The following SIRT2 variants were observed in gnomAD, a reference collection of about 807,000 sequenced individuals.
SIRT2 encodes the protein sirtuin 2.
Under a neutral mutation model 57.4 loss-of-function variants are expected in SIRT2, and 40 were observed. The observed-to-expected ratio is 0.70, with a 90% CI of 0.54 to 0.91. The LOEUF (loss-of-function observed/expected upper bound fraction) is 0.91. SIRT2 is among the 40% of genes least tolerant of loss of function. The probability of loss-of-function intolerance (pLI) is 0.00; values close to 1 mark genes in which losing one functional copy is unlikely to be tolerated. For missense variants in SIRT2, 439 were observed against 510.4 expected (o/e 0.86, Z 1.35); for synonymous variants, 161 against 195.7 (o/e 0.82, Z 1.48).
chr19:38,890,617 G>T, intron 4 of SIRT2: 1 of 174,024 alleles, frequency 5.7e-6, no homozygotes, highest in Non-Finnish European at 1.2e-5. Context: ...TTGAACCCGG[G>T]AGGCGGAGGT....
At chr19:38,881,574 T>C in intron 9 of SIRT2, 83 bp from the exon 10 acceptor site, 2 of 1,094,296 alleles carry the variant, frequency 1.8e-6, no homozygotes, top group Non-Finnish European at 2.8e-6. Context: ...CCACCCCTCT[T>C]CCACTGTTAA....
chr19:38,879,645 T>G lies in SIRT2; in HGVS notation c.934A>C (p.Lys312Gln). 1 of 1,573,824 alleles carries G rather than the reference T, an allele frequency of 6.4e-7. No individual in the cohort carries two copies. Among genetic ancestry groups the G allele is most frequent in the Non-Finnish European group, 8.6e-7 (1 of 1,159,396 alleles). ...GCGGGGCCTCACCTGTAGGCCTTCT[T>G]GGAGTCAAAGTCCATGCCTCCTCCG... is the stretch of plus-strand genomic sequence containing the variant. ...GLGGGMDFDSKKAYRDVAWLG... is the reference protein window; with the variant it reads ...GLGGGMDFDSQKAYRDVAWLG... The change falls in exon 14 of 16, where the codon AAG (lysine) becomes CAG (glutamine). Residue 312 changes from lysine (K) to glutamine (Q), a missense_variant. Transcript: ENST00000249396.
intron 2 of SIRT2, among the ~76,000 whole-genome samples, chr19:38,895,501 G>A (rs1296762148): frequency 1.3e-5 from 2 of 152,292 alleles, no homozygotes; most frequent in East Asian, 3.9e-4. Flanking sequence ...CCCTGCAATG[G>A]ATTTCACCAA....
In SIRT2 at chr19:38,879,105, G is replaced by C. The variant is rs749741831; in HGVS notation, c.*50C>G. The stretch of plus-strand genomic sequence containing the variant: ...TTAAGAGGGGGCCAGGCCCGGTTGG[G>C]GCTCAGCTGTCCCTGAGGAGCTCGG... On this transcript the variant is annotated 3_prime_UTR_variant, in exon 16 of 16. Coordinates refer to ENST00000249396, the MANE Select transcript of SIRT2 (RefSeq NM_012237.4). 6.6e-7 allele frequency: 1 copy of C among 1,515,518 alleles called. No homozygotes were observed. The highest frequency in any genetic ancestry group is 2.3e-5 in the Admixed American group (1 of 42,750). 93.9% of individuals were successfully genotyped at this position (1,515,518 alleles called of 1,614,324 possible).
At chr19:38,892,580 T>A (rs1415481523) in intron 4 of SIRT2, among the ~76,000 whole-genome samples, 5 of 152,138 alleles carry the variant, frequency 3.3e-5, no homozygotes, top group African/African-American at 1.2e-4. Flanking sequence ...TTTATTACTT[T>A]ATTTTTTTTT....
rs768188596 is a variant in SIRT2 at position 38,880,455 on chromosome 19, C to T, written c.876+230G>A. The T allele has an allele frequency of 4.4e-5, 21 of 474,084 alleles. No homozygotes were observed. The highest frequency in any genetic ancestry group is 6.3e-5 in the Non-Finnish European group (17 of 269,498). 29.4% of individuals were successfully genotyped at this position (474,084 alleles called of 1,614,324 possible). A position where few individuals can be genotyped will look rare whatever the true frequency, so the allele number is the denominator to read the frequency against. ...CCCACCTCCTCAGTCCCTGGAAGCC[C>T]GGCCTTCCTATCTGGCTTCAGCTGG... On this transcript the variant is annotated intron_variant, in intron 13 of 15. Transcript: ENST00000249396. This position sits in a 1 kb window ranked among gnomAD's most constrained non-coding sequence, Gnocchi z 4.1.
Position 38,898,399 on chromosome 19 carries a change from C to T in SIRT2, c.43G>A (p.Gly15Arg). ...DPSHPLETQA[G>R]KVQEAQDSDS... ...CTCACCTGAGCCTCCTGCACCTTCCCTGCCTGGGTCTCCAGAGGGTGAGAG... is the reference window on the plus strand; with the variant it reads ...CTCACCTGAGCCTCCTGCACCTTCCTTGCCTGGGTCTCCAGAGGGTGAGAG... Residue 15 changes from glycine (G) to arginine (R), a missense_variant, in exon 2 of 16, where the codon GGG (glycine) becomes AGG (arginine). Physicochemically the swap from Gly to Arg is moderately radical, Grantham distance 125. Coordinates refer to ENST00000249396, the MANE Select transcript of SIRT2 (RefSeq NM_012237.4). The T allele has an allele frequency of 1.9e-6, 3 of 1,555,250 alleles. No individual in the cohort carries two copies. The highest frequency in any genetic ancestry group is 1.2e-5 in the South Asian group (1 of 83,998).
At position 38,899,588 on chromosome 19, in the gene SIRT2, CGTCACCGACTGCTCTGTCCT is replaced by C. The variant is rs774466413; in HGVS notation, c.-87_-68del. The C allele has an allele frequency of 2.6e-5, 41 of 1,603,770 alleles. 1 individual carries two copies. The highest frequency in any genetic ancestry group is 1.5e-4 in the African/African-American group (11 of 74,702). ...TGTCCCGTCACCAACCACTGTGTCCCGTCACCGACTGCTCTGTCCTGTCACCGACTGCTCTGTCCCGTGAC... is the reference window on the plus strand; with the variant it reads ...TGTCCCGTCACCAACCACTGTGTCCCGTCACCGACTGCTCTGTCCCGTGAC... On this transcript the variant is annotated 5_prime_UTR_variant, in exon 1 of 16. Coordinates refer to ENST00000249396, the MANE Select transcript of SIRT2 (RefSeq NM_012237.4).
At chr19:38,893,180 A>G (rs1289541673) in intron 4 of SIRT2, among the ~76,000 whole-genome samples, 1 of 152,146 alleles carries the variant, frequency 6.6e-6, no homozygotes, top group East Asian at 1.9e-4. Context: ...CCAAAACAAG[A>G]AAAGCAGCAT....
At chr19:38,897,167 T>C (rs553535994) in intron 2 of SIRT2, among the ~76,000 whole-genome samples, 103 of 152,286 alleles carry the variant, frequency 6.8e-4, no homozygotes, top group Non-Finnish European at 1.4e-3. Flanking sequence ...GCCAGGAAGA[T>C]GAAATTGAGA....
In SIRT2 at chr19:38,880,569, G is replaced by A. The variant is rs1341232198; in HGVS notation, c.876+116C>T. On this transcript the variant is annotated intron_variant, in intron 13 of 15. Transcript: ENST00000249396. This position sits in a 1 kb window ranked among gnomAD's most constrained non-coding sequence, Gnocchi z 4.1. ...ACCCCTCTGGATTCTAGAGCCCCAG[G>A]TTCTGAGCTGAGGAATGCAAAGTGC... The A allele has an allele frequency of 4.2e-6, 3 of 709,338 alleles. No individual in the cohort carries two copies. The highest frequency in any genetic ancestry group is 3.5e-5 in the African/African-American group (2 of 56,412). 43.9% of individuals were successfully genotyped at this position (709,338 alleles called of 1,614,324 possible).
rs1973094957 is a variant in SIRT2, at chr19:38,880,070, C to T, written c.877-368G>A. On this transcript the variant is annotated intron_variant, in intron 13 of 15. Coordinates refer to ENST00000249396, the MANE Select transcript of SIRT2 (RefSeq NM_012237.4). The surrounding 1 kb of genome is among the most constrained non-coding windows in gnomAD (Gnocchi z 4.1). ...GAACTCCTGACCTCAGGTGATCCAC[C>T]CGCCTCGGCCTCCCAAAGTGCTGGA... The T allele has an allele frequency of 4.8e-6, 1 of 209,464 alleles. No homozygotes were observed. Among genetic ancestry groups the T allele is most frequent in the Non-Finnish European group, 9.7e-6 (1 of 102,720 alleles). 13.0% of individuals were successfully genotyped at this position (209,464 alleles called of 1,614,324 possible).
chr19:38,893,031 G>C (rs574918271), intron 4 of SIRT2, among the ~76,000 whole-genome samples: 1 of 152,074 alleles, frequency 6.6e-6, no homozygotes, highest in Non-Finnish European at 1.5e-5. Flanking sequence ...AGGCATGGGG[G>C]CAGGCATTTG....
At chr19:38,883,783 G>A in intron 8 of SIRT2, 27 bp from the exon 9 acceptor site, 1 of 1,612,248 alleles carries the variant, frequency 6.2e-7, no homozygotes. Flanking sequence ...AGGGAAGAGG[G>A]GTGAGGAGTG....
At position 38,880,182 on chromosome 19, in the gene SIRT2, TA is replaced by T. The variant is rs1305467836; in HGVS notation, c.877-481del. On this transcript the variant is annotated intron_variant, in intron 13 of 15. Coordinates refer to ENST00000249396, the MANE Select transcript of SIRT2 (RefSeq NM_012237.4). This position sits in a 1 kb window ranked among gnomAD's most constrained non-coding sequence, Gnocchi z 4.1. ...CTCTGTGTCTTAGTTTCCTGTAGAA[TA>T]GGGGTGATCACAAAACCGCGATGGG... 1 of 181,898 alleles carries T rather than the reference TA, an allele frequency of 5.5e-6. No homozygotes were observed. The highest frequency in any genetic ancestry group is 1.2e-5 in the Non-Finnish European group (1 of 85,912). 11.3% of individuals were successfully genotyped at this position (181,898 alleles called of 1,614,324 possible).
intron 8 of SIRT2, among the ~76,000 whole-genome samples, chr19:38,886,320 C>T (rs1285712329): frequency 6.6e-6 from 1 of 152,194 alleles, no homozygotes; most frequent in Non-Finnish European, 1.5e-5. Context: ...TGGTACTTGA[C>T]TCAGTCTACC....
In SIRT2 at chr19:38,880,039, G is replaced by A; in HGVS notation, c.877-337C>T. ...GGGGTTTCACCATGTTGGTCAGGCT[G>A]GTCTCGAACTCCTGACCTCAGGTGA... is the stretch of plus-strand genomic sequence containing the variant. On this transcript the variant is annotated intron_variant, in intron 13 of 15. Coordinates refer to ENST00000249396, the MANE Select transcript of SIRT2 (RefSeq NM_012237.4). The surrounding 1 kb of genome is among the most constrained non-coding windows in gnomAD (Gnocchi z 4.1). The A allele has an allele frequency of 4.0e-6, 1 of 250,156 alleles. No homozygotes were observed. The highest frequency in any genetic ancestry group is 9.5e-5 in the East Asian group (1 of 10,576). The allele number at this position is 250,156 out of a possible 1,614,324, so 15.5% of individuals were successfully genotyped here. A position where few individuals can be genotyped will look rare whatever the true frequency, so the allele number is the denominator to read the frequency against.
intron 4 of SIRT2, among the ~76,000 whole-genome samples, chr19:38,891,609 A>C (rs1304862085): frequency 6.6e-6 from 1 of 151,896 alleles, no homozygotes; most frequent in Non-Finnish European, 1.5e-5. Context: ...CTCACCTTTA[A>C]ATTTTTGCAG....
intron 1 of SIRT2, among the ~76,000 whole-genome samples, chr19:38,899,266 A>C (rs1973845787): frequency 6.6e-6 from 1 of 152,168 alleles, no homozygotes; most frequent in African/African-American, 2.4e-5. Context: ...CCAAGGTGCG[A>C]GAAACACGCG....
Sources: gnomAD v4.1 joint callset for allele counts (sites outside exome capture counted in the v4.1 genomes callset) on GRCh38, gnomAD v4.1.1 for gene constraint, Gnocchi (gnomAD v3.1) non-coding constraint, MANE v1.5 for transcripts, NCBI Gene and HGNC (gene_info 2026-07-23, HGNC 2026-07-21) for gene names.